Variants in PRRX1 observed in about 807,000 individuals in gnomAD.
The protein encoded by PRRX1 is paired related homeobox 1, also known as paired mesoderm homeobox protein 1.
PRRX1 carries 8 observed loss-of-function variants against 24.0 expected under a neutral mutation model. That is an observed-to-expected ratio of 0.33 (90% CI 0.20 to 0.60). PRRX1 has a LOEUF of 0.60. Ranked by LOEUF, PRRX1 falls within the 20% of genes least tolerant of loss-of-function variation. PRRX1 has a pLI of 0.82. For missense variants in PRRX1, 281 were observed against 322.4 expected (o/e 0.87, Z 0.98); for synonymous variants, 160 against 131.7 (o/e 1.22, Z -1.47).
intron 1 of PRRX1, among the ~76,000 whole-genome samples, chr1:170,690,627 T>C (rs961450671): frequency 1.2e-4 from 19 of 152,206 alleles, no homozygotes; most frequent in Admixed American, 5.9e-4. Context: ...AAAATTCAAC[T>C]TCCCTGCTTC....
intron 1 of PRRX1, among the ~76,000 whole-genome samples, chr1:170,665,370 C>A (rs1224393019): frequency 2.0e-5 from 3 of 152,212 alleles, no homozygotes; most frequent in Non-Finnish European, 2.9e-5. Context: ...AAAGAGACTG[C>A]AATTGTATCC....
chr1:170,731,148 A>G (rs1157696901), intron 3 of PRRX1, among the ~76,000 whole-genome samples: 2 of 152,240 alleles, frequency 1.3e-5, no homozygotes, highest in African/African-American at 4.8e-5. Flanking sequence ...AGAATTTACC[A>G]GATCTCTTTT....
At chr1:170,705,625 A>T (rs1020725202) in intron 1 of PRRX1, among the ~76,000 whole-genome samples, 1 of 152,070 alleles carries the variant, frequency 6.6e-6, no homozygotes, top group African/African-American at 2.4e-5. Context: ...TTTACTGCTA[A>T]GTTCAGCAGG....
chr1:170,690,865 G>C (rs1653922842), intron 1 of PRRX1, among the ~76,000 whole-genome samples: 2 of 152,096 alleles, frequency 1.3e-5, no homozygotes, highest in African/African-American at 4.8e-5. Flanking sequence ...AGAGAGAACA[G>C]CAAGTTAGCT....
At chr1:170,717,009 G>C (rs1654926343) in intron 1 of PRRX1, among the ~76,000 whole-genome samples, 1 of 152,192 alleles carries the variant, frequency 6.6e-6, no homozygotes, top group Non-Finnish European at 1.5e-5. Context: ...CAGGACTGCT[G>C]CTCGAGCTGT....
chr1:170,722,663 T>C (rs1655126705), intron 2 of PRRX1: 3 of 152,200 alleles, frequency 2.0e-5, no homozygotes, highest in African/African-American at 7.2e-5. Context: ...TTCTCAAAAC[T>C]ATCCTGTAAG....
rs148834959 is a variant in PRRX1, at chr1:170,699,880, C to T, written c.242-19846C>T. 8.3e-3 allele frequency among the ~76,000 whole-genome samples: 1,262 copies of T among 152,094 alleles called. 9 individuals carry two copies. Among genetic ancestry groups the T allele is most frequent in the African/African-American group, 0.026 (1,080 of 41,476 alleles). ...CCTGCCAAGTAGCTGGGATTACAGA[C>T]GCCTGCCACCACGCTCGGGTAATTT... On this transcript the variant is annotated intron_variant, in intron 1 of 3. Coordinates refer to ENST00000239461, the MANE Select transcript of PRRX1 (RefSeq NM_022716.4).
chr1:170,669,225 T>C lies in PRRX1; in HGVS notation c.241+4766T>C, dbSNP rs76831183. 9.1e-3 allele frequency: 1,388 copies of C among 151,802 alleles called. 19 individuals are homozygous for C. The highest frequency in any genetic ancestry group is 0.032 in the African/African-American group (1,328 of 41,278). 9.4% of individuals were successfully genotyped at this position (151,802 alleles called of 1,614,324 possible). A position where few individuals can be genotyped will look rare whatever the true frequency, so the allele number is the denominator to read the frequency against. The stretch of plus-strand genomic sequence containing the variant: ...GAGCATCTCTCCCATGTGTTAGACG[T>C]CGTGCAGTCCTGCATTTTGGCTGAG... On this transcript the variant is annotated intron_variant, in intron 1 of 3. Transcript: ENST00000239461.
chr1:170,666,385 T>C (rs1384214910), intron 1 of PRRX1, among the ~76,000 whole-genome samples: 2 of 122,106 alleles, frequency 1.6e-5, no homozygotes, highest in African/African-American at 6.6e-5. Flanking sequence ...GCCACTGCAC[T>C]CCAGTCTGGA....
intron 1 of PRRX1, chr1:170,669,440 A>AAAAAAAAAAAAAC (rs1653066575): frequency 6.9e-6 from 1 of 145,334 alleles, no homozygotes; most frequent in Non-Finnish European, 1.5e-5. Flanking sequence ...AAAAAAAAAA[A>AAAAAAAAAAAAAC]AAAAAAAAAA....
At chr1:170,686,142 A>AT (rs1286624240) in intron 1 of PRRX1, among the ~76,000 whole-genome samples, 1 of 122,940 alleles carries the variant, frequency 8.1e-6, no homozygotes, top group Non-Finnish European at 1.8e-5. Context: ...ACAACATTAC[A>AT]TTAAAAAAAA....
intron 1 of PRRX1, among the ~76,000 whole-genome samples, chr1:170,673,444 C>T (rs1200715982): frequency 6.6e-6 from 1 of 152,160 alleles, no homozygotes; most frequent in Non-Finnish European, 1.5e-5. Context: ...GAACACCTTT[C>T]TAATCTAGCC....
intron 1 of PRRX1, among the ~76,000 whole-genome samples, chr1:170,690,608 GTGTT>G (rs907593360): frequency 1.3e-5 from 2 of 152,036 alleles, no homozygotes; most frequent in Non-Finnish European, 2.9e-5. Context: ...GAGAAAATAA[GTGTT>G]TGGTAAAATT....
intron 3 of PRRX1, chr1:170,730,117 T>A: frequency 1.3e-6 from 1 of 754,828 alleles, no homozygotes; most frequent in South Asian, 1.5e-5. Context: ...GGGCTGGGCT[T>A]AAAAGAAAGC....
At chr1:170,664,499 G>C in intron 1 of PRRX1, 40 bp downstream of exon 1, 1 of 1,569,482 alleles carries the variant, frequency 6.4e-7, no homozygotes, top group South Asian at 1.2e-5. Flanking sequence ...GTGTGCCCGG[G>C]ACAGAGGGCG....
intron 1 of PRRX1, among the ~76,000 whole-genome samples, chr1:170,676,022 G>T (rs1250480154): frequency 6.6e-6 from 1 of 152,134 alleles, no homozygotes; most frequent in Non-Finnish European, 1.5e-5. Context: ...AGAGCTCTTG[G>T]CCTATAACCA....
chr1:170,734,571 A>G (rs1184018521), intron 3 of PRRX1, among the ~76,000 whole-genome samples: 1 of 152,184 alleles, frequency 6.6e-6, no homozygotes, highest in African/African-American at 2.4e-5. Context: ...ATGATGAGTA[A>G]GAGTTAAGCA....
At position 170,704,175 on chromosome 1, in the gene PRRX1, T is replaced by G. The variant is rs2101906457; in HGVS notation, c.242-15551T>G. On this transcript the variant is annotated intron_variant, in intron 1 of 3. Coordinates refer to ENST00000239461, the MANE Select transcript of PRRX1 (RefSeq NM_022716.4). ...AAAATTAAAATTGTATTGTGTCCTT[T>G]TGTTATACTATAAACACATTTAGAA... 1.3e-5 allele frequency among the ~76,000 whole-genome samples: 2 copies of G among 152,360 alleles called. 1 individual carries two copies. Among genetic ancestry groups the G allele is most frequent in the East Asian group, 3.9e-4 (2 of 5,194 alleles).
At chr1:170,722,959 A>G (rs1043668228) in intron 2 of PRRX1, among the ~76,000 whole-genome samples, 1 of 152,188 alleles carries the variant, frequency 6.6e-6, no homozygotes, top group Non-Finnish European at 1.5e-5. Context: ...GGAGCTCTAG[A>G]GGGCCAGTGT....
Sources: gnomAD v4.1 joint callset for allele counts (sites outside exome capture counted in the v4.1 genomes callset) on GRCh38, gnomAD v4.1.1 for gene constraint, MANE v1.5 for transcripts, NCBI Gene and HGNC (gene_info 2026-07-23, HGNC 2026-07-21) for gene names.